ECPAS: variants seen among roughly 807,000 people sequenced by gnomAD.
ECPAS encodes the protein Ecm29 proteasome adaptor and scaffold.
A neutral mutation model predicts 255.1 loss-of-function variants in ECPAS; 70 were observed. The ratio of observed to expected loss-of-function variants is 0.27; its 90% confidence interval spans 0.23 to 0.33. The LOEUF is 0.33. Ranked by LOEUF, ECPAS falls within the 10% of genes least tolerant of loss-of-function variation. The pLI is 1.00. For missense variants in ECPAS, 1,817 were observed against 2,206.4 expected, an observed-to-expected ratio of 0.82 and a Z score of 3.54; for synonymous variants, 784 against 775.0, an observed-to-expected ratio of 1.01 and a Z score of -0.19.
intron 14 of ECPAS, 45 bp downstream of exon 14, chr9:111,422,089 G>C: frequency 6.2e-7 from 1 of 1,613,560 alleles, no homozygotes; most frequent in Non-Finnish European, 8.5e-7. Flanking sequence ...GGTTCCCAGG[G>C]GAACATCCAA....
At chr9:111,392,000 G>T (rs2098160916) in intron 28 of ECPAS, among the ~76,000 whole-genome samples, 176 bp from the exon 29 acceptor site, 1 of 152,180 alleles carries the variant, frequency 6.6e-6, no homozygotes, top group African/African-American at 2.4e-5. Context: ...CAGCACTTTG[G>T]GAGGCCGAGG....
chr9:111,446,360 T>C (rs1293000136), intron 3 of ECPAS, among the ~76,000 whole-genome samples: 1 of 152,218 alleles, frequency 6.6e-6, no homozygotes, highest in Non-Finnish European at 1.5e-5. Context: ...ATAAGATTTT[T>C]AGAAGGCCTT....
chr9:111,389,901 C>A, intron 30 of ECPAS, 83 bp downstream of exon 30: 1 of 1,158,704 alleles, frequency 8.6e-7, no homozygotes. Context: ...AAATGCACTA[C>A]ATACCATTTG....
At chr9:111,390,597 G>T (rs1024658158) in intron 29 of ECPAS, among the ~76,000 whole-genome samples, 12 of 152,140 alleles carry the variant, frequency 7.9e-5, no homozygotes. Context: ...AACTTAGAAG[G>T]AGTCTACAAG....
Position 111,383,216 on chromosome 9 carries a change from G to A in ECPAS, c.3798C>T (p.Ala1266=), listed in dbSNP as rs1338419988. 3.7e-6 allele frequency: 6 copies of A among 1,613,614 alleles called. No homozygotes were observed. Among genetic ancestry groups the A allele is most frequent in the Non-Finnish European group, 5.1e-6 (6 of 1,179,774 alleles). ...TTTCATCAACGGATGCACACCTGAG[G>A]GCTCGAACTTCCGTCACGGTGCTCA... ...GMMSTVTEVR[A]LSINTLVKIS... Residue 1266 remains alanine (A), a synonymous_variant, in exon 35 of 50, where the codon GCC becomes GCT. Transcript: ENST00000684092.
At chr9:111,451,046 T>C (rs1421744699) in intron 3 of ECPAS, among the ~76,000 whole-genome samples, 2 of 152,242 alleles carry the variant, frequency 1.3e-5, no homozygotes, top group Admixed American at 1.3e-4. Flanking sequence ...TTTTTTTTTA[T>C]TTTGCTTACT....
Position 111,416,699 on chromosome 9 carries a change from T to C in ECPAS, c.1684-347A>G, listed in dbSNP as rs529252970. Among the ~76,000 whole-genome samples, 19 of 152,250 alleles carry C rather than the reference T, an allele frequency of 1.2e-4. No homozygotes were observed. The South Asian group carries it at 2.9e-3, about 23-fold the overall frequency. Reference sequence around the variant, plus strand: ...AAGCAGAGAATCTTCTGACCACAAATAGACTGTGCTGCTATGTGGAAAACA... The same window carrying C: ...AAGCAGAGAATCTTCTGACCACAAACAGACTGTGCTGCTATGTGGAAAACA... On this transcript the variant is annotated intron_variant, in intron 17 of 49. Transcript: ENST00000684092.
intron 2 of ECPAS, among the ~76,000 whole-genome samples, chr9:111,457,130 C>T (rs1381547785): frequency 6.6e-6 from 1 of 152,110 alleles, no homozygotes; most frequent in Admixed American, 6.5e-5. Flanking sequence ...GTTAATTCAG[C>T]AATAGAGTTC....
At chr9:111,378,549 A>T in intron 36 of ECPAS, 31 bp downstream of exon 36, 1 of 1,596,600 alleles carries the variant, frequency 6.3e-7, no homozygotes, top group Non-Finnish European at 8.6e-7. Flanking sequence ...CCCTCATGAT[A>T]CTTACCAATA....
intron 35 of ECPAS, among the ~76,000 whole-genome samples, chr9:111,381,605 G>T (rs549342001): frequency 1.3e-5 from 2 of 152,108 alleles, no homozygotes; most frequent in Non-Finnish European, 2.9e-5. Flanking sequence ...ATCACCTAAC[G>T]ACACATTTCT....
intron 20 of ECPAS, 108 bp from the exon 21 acceptor site, chr9:111,412,256 G>C: frequency 2.2e-6 from 2 of 919,022 alleles, no homozygotes; most frequent in Non-Finnish European, 3.0e-6. Context: ...TGGATATTGA[G>C]AAAAAAACAA....
intron 3 of ECPAS, among the ~76,000 whole-genome samples, chr9:111,448,120 T>C (rs1226045959): frequency 6.6e-6 from 1 of 152,226 alleles, no homozygotes; most frequent in Non-Finnish European, 1.5e-5. Flanking sequence ...TACATGCATG[T>C]ATCAAAATAT....
intron 35 of ECPAS, 130 bp downstream of exon 35, chr9:111,383,081 T>G: frequency 9.0e-7 from 1 of 1,110,944 alleles, no homozygotes; most frequent in Non-Finnish European, 1.3e-6. Context: ...CTCACAAGTT[T>G]TCACAAATGA....
intron 2 of ECPAS, among the ~76,000 whole-genome samples, chr9:111,455,598 G>A (rs929431209): frequency 6.6e-6 from 1 of 152,208 alleles, no homozygotes; most frequent in Non-Finnish European, 1.5e-5. Flanking sequence ...TGCTAAGAGT[G>A]GTTCATTGTG....
chr9:111,467,717 A>G (rs2098281286), intron 2 of ECPAS, among the ~76,000 whole-genome samples: 1 of 152,210 alleles, frequency 6.6e-6, no homozygotes, highest in African/African-American at 2.4e-5. Context: ...ACGATTTCAG[A>G]AAGAAATATT....
In ECPAS at chr9:111,427,226, TAA is replaced by T. The variant is rs1228643329; in HGVS notation, c.1050+814_1050+815del. The stretch of plus-strand genomic sequence containing the variant: ...TGGGCCAAGACTAGAGGCAGGAAGG[TAA>T]GTTAAAAGAATACTGCAATAACCAA... On this transcript the variant is annotated intron_variant, in intron 10 of 49. Coordinates refer to ENST00000684092, the MANE Select transcript of ECPAS (RefSeq NM_001364929.1). Among the ~76,000 whole-genome samples, 5 of 149,996 alleles carry T rather than the reference TAA, an allele frequency of 3.3e-5. 1 individual carries two copies. Among genetic ancestry groups the T allele is most frequent in the African/African-American group, 1.2e-4 (5 of 40,816 alleles).
chr9:111,412,241 G>A (rs2098195818), intron 20 of ECPAS, 93 bp from the exon 21 acceptor site: 1 of 1,073,506 alleles, frequency 9.3e-7, no homozygotes, highest in East Asian at 3.1e-5. Context: ...CGTTCAATCT[G>A]TTGATGGATA....
intron 20 of ECPAS, among the ~76,000 whole-genome samples, 195 bp from the exon 21 acceptor site, chr9:111,412,343 C>A (rs904816740): frequency 6.6e-6 from 1 of 152,110 alleles, no homozygotes; most frequent in Non-Finnish European, 1.5e-5. Flanking sequence ...CAAAGATACA[C>A]AAGTACAAAA....
intron 4 of ECPAS, 115 bp from the exon 5 acceptor site, chr9:111,442,539 GACTCATC>G: frequency 1.5e-6 from 1 of 687,988 alleles, no homozygotes; most frequent in East Asian, 2.9e-5. Flanking sequence ...TTGTAAACGT[GACTCATC>G]CTCCCTCCAC....
Sources: allele counts gnomAD v4.1 joint callset (sites outside exome capture counted in the v4.1 genomes callset), GRCh38; gene constraint gnomAD v4.1.1; transcripts MANE v1.5; gene names NCBI Gene and HGNC (gene_info 2026-07-23, HGNC 2026-07-21).